The following RALGAPB variants were observed in gnomAD, a reference collection of about 807,000 sequenced individuals.
The protein encoded by RALGAPB is ral GTPase-activating protein subunit beta.
RALGAPB carries 25 observed loss-of-function variants against 161.1 expected under a neutral mutation model. The ratio of observed to expected loss-of-function variants is 0.16; its 90% CI spans 0.11 to 0.22. RALGAPB has a LOEUF of 0.22. Ranked by LOEUF, RALGAPB falls within the 10% of genes least tolerant of loss-of-function variation. The probability of loss-of-function intolerance (pLI) is 1.00; values close to 1 mark genes in which losing one functional copy is unlikely to be tolerated. For missense variants in RALGAPB, 1,391 were observed against 1,815.2 expected, an observed-to-expected ratio of 0.77 and a Z score of 4.25; for synonymous variants, 629 against 626.1, an observed-to-expected ratio of 1.00 and a Z score of -0.07.
rs141836535 is a variant in RALGAPB at position 38,524,642 on chromosome 20, T to C, written c.1620-136T>C. 1.4e-4 allele frequency: 93 copies of C among 684,428 alleles called. No individual in the cohort carries two copies. The East Asian group carries it at 2.1e-3, about 15-fold the overall frequency. The allele number at this position is 684,428 out of a possible 1,614,324, so 42.4% of individuals were successfully genotyped here. ...GTAAAATTCTAATAAATTCCAGTAA[T>C]TCCAATAATGTCCTTTCTTTAAAGG... On this transcript the variant is annotated intron_variant, in intron 10 of 29. Coordinates refer to ENST00000262879, the MANE Select transcript of RALGAPB (RefSeq NM_020336.4).
At chr20:38,490,681 T>A (rs1433149950) in intron 2 of RALGAPB, among the ~76,000 whole-genome samples, 7 of 148,538 alleles carry the variant, frequency 4.7e-5, no homozygotes, top group Admixed American at 4.0e-4. Flanking sequence ...TAATTTTGTA[T>A]TTTTTTTAGT....
At chr20:38,515,184 C>T (rs1425559016) in intron 6 of RALGAPB, among the ~76,000 whole-genome samples, 1 of 152,192 alleles carries the variant, frequency 6.6e-6, no homozygotes, top group Non-Finnish European at 1.5e-5. Context: ...ACTTGGTGGA[C>T]TAGTCCAGTT....
chr20:38,558,774 G>A (rs1331676878), intron 23 of RALGAPB, among the ~76,000 whole-genome samples: 1 of 152,170 alleles, frequency 6.6e-6, no homozygotes, highest in Non-Finnish European at 1.5e-5. Context: ...AGCACTGTTA[G>A]ATTAGCTAAT....
In RALGAPB at chr20:38,473,020, G is replaced by T; in HGVS notation, c.-80G>T. On this transcript the variant is annotated 5_prime_UTR_variant, in exon 1 of 30. Transcript: ENST00000262879. ...CGCGTGAGGCGGAAGGCCGAGGACG[G>T]CCGGCGGCGGCGCCCGCCCCGGCGA... is the stretch of plus-strand genomic sequence containing the variant. The T allele has an allele frequency of 2.5e-6, 1 of 392,366 alleles. No individual in the cohort carries two copies. Among genetic ancestry groups the T allele is most frequent in the Non-Finnish European group, 4.5e-6 (1 of 221,926 alleles). 24.3% of individuals were successfully genotyped at this position (392,366 alleles called of 1,614,324 possible). A position where few individuals can be genotyped will look rare whatever the true frequency, so the allele number is the denominator to read the frequency against.
chr20:38,521,250 A>C (rs138289034), intron 9 of RALGAPB, among the ~76,000 whole-genome samples: 1 of 152,344 alleles, frequency 6.6e-6, no homozygotes, highest in African/African-American at 2.4e-5. Flanking sequence ...TCAAAAATTC[A>C]GTTGAAAAAT....
At chr20:38,516,434 C>A in intron 7 of RALGAPB, 64 bp downstream of exon 7, 1 of 1,361,928 alleles carries the variant, frequency 7.3e-7, no homozygotes, top group Non-Finnish European at 9.8e-7. Context: ...AGAGGCTAAC[C>A]CTAGGAGTTA....
At chr20:38,514,013 GAT>G (rs1475675088) in intron 6 of RALGAPB, among the ~76,000 whole-genome samples, 2 of 149,328 alleles carry the variant, frequency 1.3e-5, no homozygotes, top group Non-Finnish European at 2.9e-5. Context: ...GTAGTACTTA[GAT>G]AGTCTTTCTT....
Position 38,490,906 on chromosome 20 carries a change from A to G in RALGAPB, c.187-2024A>G, listed in dbSNP as rs544839725. Among the ~76,000 whole-genome samples the G allele has an allele frequency of 9.2e-4, 140 of 152,340 alleles. 1 individual carries two copies. The highest frequency in any genetic ancestry group is 3.2e-3 in the African/African-American group (134 of 41,592). On this transcript the variant is annotated intron_variant, in intron 2 of 29. Transcript: ENST00000262879. ...ATGATCCACAGTCCTTGGCCTCCCA[A>G]AGTGCTGGGATTACGGTTGTGGGCC...
chr20:38,540,277 C>T (rs1483173150), intron 17 of RALGAPB, among the ~76,000 whole-genome samples: 2 of 152,226 alleles, frequency 1.3e-5, no homozygotes, highest in African/African-American at 4.8e-5. Context: ...GGTCACCCTT[C>T]ACCAAACAAA....
chr20:38,492,994 A>C lies in RALGAPB; in HGVS notation c.251A>C (p.Lys84Thr), dbSNP rs1396298862. 9.9e-6 allele frequency: 16 copies of C among 1,612,718 alleles called. No homozygotes were observed. Among genetic ancestry groups the C allele is most frequent in the South Asian group, 2.2e-5 (2 of 91,068 alleles). The change falls in exon 3 of 30, where the codon AAA becomes ACA. Residue 84 changes from lysine to threonine, a missense_variant. Physicochemically the swap from Lys to Thr is moderately conservative, Grantham distance 78. Around this residue, in one of 3 missense-constraint regions of RALGAPB, gnomAD observed 946 missense variants for 1,257.2 expected, o/e 0.75. Transcript: ENST00000262879. The part of the protein sequence containing the change: ...LTLPLDGETV[K>T]YCVDVYTDWI... The stretch of plus-strand genomic sequence containing the variant: ...CTTCCATTGGATGGAGAGACTGTAA[A>C]ATATTGCGTTGATGTATATACAGAC...
At chr20:38,493,308 T>G (rs542037641) in intron 3 of RALGAPB, among the ~76,000 whole-genome samples, 176 bp downstream of exon 3, 1 of 152,230 alleles carries the variant, frequency 6.6e-6, no homozygotes, top group Non-Finnish European at 1.5e-5. Context: ...TAATGTTTAC[T>G]AGGAGTTTTT....
chr20:38,553,814 G>A, intron 21 of RALGAPB, 53 bp from the exon 22 acceptor site: 1 of 805,648 alleles, frequency 1.2e-6, no homozygotes, highest in South Asian at 1.5e-5. Flanking sequence ...CTTAAGATTG[G>A]CCTTACTAGT....
rs574866436 is a variant in RALGAPB, at chr20:38,525,524, G to T, written c.1902+6G>T. Reference sequence around the variant, plus strand: ...TTGGCACAGTCAAATCTGAGGTAATGTTTTGTTAAAGTTTTTTTATATCCT... The same window carrying T: ...TTGGCACAGTCAAATCTGAGGTAATTTTTTGTTAAAGTTTTTTTATATCCT... On this transcript the variant is annotated splice_donor_region_variant and intron_variant, in intron 12 of 29. Transcript: ENST00000262879. The T allele has an allele frequency of 3.2e-6, 5 of 1,577,258 alleles. No individual in the cohort carries two copies. In the East Asian group the frequency reaches 6.7e-5, roughly 21 times the overall value.
intron 13 of RALGAPB, among the ~76,000 whole-genome samples, chr20:38,529,908 G>A (rs2086599717): frequency 6.6e-6 from 1 of 152,166 alleles, no homozygotes; most frequent in South Asian, 2.1e-4. Context: ...ACCATAAATT[G>A]TCTGTTTATA....
At chr20:38,534,646 A>G (rs554369356) in intron 15 of RALGAPB, among the ~76,000 whole-genome samples, 1 of 152,250 alleles carries the variant, frequency 6.6e-6, no homozygotes, top group Non-Finnish European at 1.5e-5. Context: ...ATTTCAACAG[A>G]TGCTTGCTTC....
chr20:38,497,569 T>G (rs2085464052), intron 4 of RALGAPB, 53 bp downstream of exon 4: 1 of 1,544,496 alleles, frequency 6.5e-7, no homozygotes. Context: ...ATACAGTTCA[T>G]CTTTAAACTC....
chr20:38,572,010 A>G (rs944772170), intron 28 of RALGAPB, among the ~76,000 whole-genome samples: 4 of 152,118 alleles, frequency 2.6e-5, no homozygotes, highest in African/African-American at 9.7e-5. Context: ...TTGCTATTTT[A>G]CATTTATCTA....
intron 6 of RALGAPB, among the ~76,000 whole-genome samples, chr20:38,512,745 A>C (rs1030420900): frequency 1.3e-5 from 2 of 152,124 alleles, no homozygotes; most frequent in East Asian, 3.9e-4. Context: ...TAAGCAGTTA[A>C]AAATTTTATT....
At chr20:38,497,924 C>A (rs1189268545) in intron 4 of RALGAPB, among the ~76,000 whole-genome samples, 2 of 152,004 alleles carry the variant, frequency 1.3e-5, no homozygotes, top group African/African-American at 4.8e-5. Flanking sequence ...GAAAAATTAG[C>A]CAGGCGTGGT....
Sources: allele counts gnomAD v4.1 joint callset (sites outside exome capture counted in the v4.1 genomes callset), GRCh38; gene constraint gnomAD v4.1.1; regional missense constraint gnomAD v4.1.1; transcripts MANE v1.5; gene names NCBI Gene and HGNC (gene_info 2026-07-23, HGNC 2026-07-21).